Variants in LIMS1 observed in about 807,000 individuals in gnomAD.
The protein encoded by LIMS1 is LIM zinc finger domain containing 1, also known as LIM and senescent cell antigen-like-containing domain protein 1.
A neutral mutation model predicts 44.1 loss-of-function variants in LIMS1; 18 were observed. The ratio of observed to expected loss-of-function variants is 0.41; its 90% CI spans 0.28 to 0.61. The LOEUF (loss-of-function observed/expected upper bound fraction) is 0.61, where lower values mean the gene tolerates loss of function less well. LIMS1 is among the 20% of genes least tolerant of loss of function. The pLI, the probability that LIMS1 is intolerant of heterozygous loss-of-function variation, is 0.32. For missense variants in LIMS1, 201 were observed against 422.0 expected (o/e 0.48, Z 4.59); for synonymous variants, 93 against 149.1 (o/e 0.62, Z 2.74).
intron 1 of LIMS1, among the ~76,000 whole-genome samples, chr2:108,563,232 A>G (rs1031568875): frequency 1.3e-5 from 2 of 152,270 alleles, no homozygotes. Context: ...TCCATTCTGC[A>G]GCGCAGGGAT....
chr2:108,653,667 A>G (rs1007918115), intron 1 of LIMS1, among the ~76,000 whole-genome samples: 4 of 151,082 alleles, frequency 2.6e-5, no homozygotes, highest in East Asian at 1.9e-4. Context: ...AATTTAGAAC[A>G]TGTATTTTGC....
At chr2:108,644,221 C>T (rs1399229019) in intron 1 of LIMS1, among the ~76,000 whole-genome samples, 1 of 152,120 alleles carries the variant, frequency 6.6e-6, no homozygotes, top group Admixed American at 6.5e-5. Context: ...TGGGAGACAC[C>T]TCCTAGTAGG....
intron 1 of LIMS1, among the ~76,000 whole-genome samples, chr2:108,599,448 G>T (rs1686885345): frequency 6.6e-6 from 1 of 152,094 alleles, no homozygotes; most frequent in Admixed American, 6.5e-5. Context: ...ATCTGTTGAT[G>T]GACATTTAGG....
intron 1 of LIMS1, among the ~76,000 whole-genome samples, chr2:108,595,925 A>T (rs1170513170): frequency 6.6e-6 from 1 of 152,220 alleles, no homozygotes; most frequent in African/African-American, 2.4e-5. Flanking sequence ...GTGAAATAAG[A>T]TCTAGAGGCT....
Position 108,578,617 on chromosome 2 carries a change from G to A in LIMS1, c.32+44023G>A, listed in dbSNP as rs539076016. Among the ~76,000 whole-genome samples the A allele has an allele frequency of 2.7e-3, 344 of 125,294 alleles. 1 individual carries two copies. Among genetic ancestry groups the A allele is most frequent in the African/African-American group, 9.6e-3 (331 of 34,396 alleles). 82.2% of individuals were successfully genotyped at this position (125,294 alleles called of 152,430 possible). On this transcript the variant is annotated intron_variant, in intron 1 of 9. Transcript: ENST00000544547. ...TTTTTTTTTTTTTTTTTTTGGAGAC[G>A]GAGTCTCTCACTGTGGCCCAGGCTA...
chr2:108,615,460 G>A (rs1309505848), intron 1 of LIMS1, among the ~76,000 whole-genome samples: 3 of 152,080 alleles, frequency 2.0e-5, no homozygotes, highest in Non-Finnish European at 2.9e-5. Flanking sequence ...TCTTTGGGTC[G>A]GGTGGGGGGT....
At chr2:108,656,578 C>G (rs1690870351) in intron 1 of LIMS1, among the ~76,000 whole-genome samples, 1 of 151,322 alleles carries the variant, frequency 6.6e-6, no homozygotes, top group Non-Finnish European at 1.5e-5. Context: ...GAAAGGGAAG[C>G]CTGACTGGTT....
rs1689396448 is a variant in LIMS1, at chr2:108,638,001, TGC to T, written c.33-21603_33-21602del. ...CTCCTTAGTAGCGCCTACAGGTGCA[TGC>T]CACCGTGCCCGGCTAATTTTTCTAT... On this transcript the variant is annotated intron_variant, in intron 1 of 9. Transcript: ENST00000544547. Among the ~76,000 whole-genome samples the T allele has an allele frequency of 5.3e-5, 8 of 152,072 alleles. No individual in the cohort carries two copies. In the South Asian group the frequency reaches 1.7e-3, roughly 32 times the overall value.
chr2:108,647,021 C>T (rs1481121536), intron 1 of LIMS1, among the ~76,000 whole-genome samples: 2 of 152,030 alleles, frequency 1.3e-5, no homozygotes, highest in Non-Finnish European at 2.9e-5. Flanking sequence ...GCGCCCGGCC[C>T]AGGAGCTGGT....
At chr2:108,642,683 C>G (rs1558824403) in intron 1 of LIMS1, among the ~76,000 whole-genome samples, 1 of 152,074 alleles carries the variant, frequency 6.6e-6, no homozygotes, top group Non-Finnish European at 1.5e-5. Flanking sequence ...TTAAAAGCTG[C>G]TTTTTAAAAA....
At chr2:108,619,616 G>A (rs1314123477) in intron 1 of LIMS1, among the ~76,000 whole-genome samples, 5 of 152,068 alleles carry the variant, frequency 3.3e-5, no homozygotes, top group Admixed American at 6.5e-5. Context: ...CCCGGGAGGC[G>A]GAGGTTACAG....
At chr2:108,599,893 C>A (rs1686909525) in intron 1 of LIMS1, among the ~76,000 whole-genome samples, 1 of 151,740 alleles carries the variant, frequency 6.6e-6, no homozygotes. Flanking sequence ...GATTTTTTTA[C>A]TATAGAGTTG....
intron 1 of LIMS1, among the ~76,000 whole-genome samples, chr2:108,582,381 A>T (rs1181842591): frequency 6.6e-6 from 1 of 152,276 alleles, no homozygotes; most frequent in East Asian, 1.9e-4. Flanking sequence ...ATGCTGGTTA[A>T]AAACGTAAGA....
chr2:108,540,786 A>C (rs1156627756), intron 1 of LIMS1, among the ~76,000 whole-genome samples: 2 of 152,246 alleles, frequency 1.3e-5, no homozygotes, highest in African/African-American at 2.4e-5. Flanking sequence ...GCCGAAAGTC[A>C]GTTAACAGCA....
chr2:108,646,043 A>G (rs887485591), intron 1 of LIMS1, among the ~76,000 whole-genome samples: 2 of 152,198 alleles, frequency 1.3e-5, no homozygotes, highest in Admixed American at 6.5e-5. Context: ...CCACACAATA[A>G]TAGTGGGAGA....
At chr2:108,593,890 C>A (rs1041013976) in intron 1 of LIMS1, among the ~76,000 whole-genome samples, 1 of 152,100 alleles carries the variant, frequency 6.6e-6, no homozygotes, top group Non-Finnish European at 1.5e-5. Context: ...ATTTCTAGGA[C>A]CATTGTAGAA....
exon 10 of LIMS1, chr2:108,686,840 T>C (rs568364576): frequency 6.6e-6 from 1 of 151,968 alleles, no homozygotes; most frequent in Non-Finnish European, 1.5e-5. Flanking sequence ...ATATTTTTAA[T>C]AGGGCTTTCC....
intron 1 of LIMS1, among the ~76,000 whole-genome samples, chr2:108,639,634 G>A (rs904006153): frequency 4.6e-5 from 7 of 152,080 alleles, no homozygotes; most frequent in South Asian, 2.1e-4. Context: ...TGTATTTTTA[G>A]TAGAGACAGG....
intron 1 of LIMS1, among the ~76,000 whole-genome samples, chr2:108,611,868 T>C (rs1001046671): frequency 4.3e-4 from 53 of 122,870 alleles, no homozygotes; most frequent in African/African-American, 1.2e-3. Context: ...CACATATATA[T>C]ACACATATAT....
Sources: gnomAD v4.1 joint callset for allele counts (sites outside exome capture counted in the v4.1 genomes callset) on GRCh38, gnomAD v4.1.1 for gene constraint, MANE v1.5 for transcripts, NCBI Gene and HGNC (gene_info 2026-07-23, HGNC 2026-07-21) for gene names.